Variants in AADACL4 observed in about 807,000 individuals in gnomAD.
AADACL4 encodes arylacetamide deacetylase like 4.
AADACL4 carries 9 observed loss-of-function variants against 14.1 expected under a neutral mutation model. The observed-to-expected ratio is 0.64, with a 90% CI of 0.39 to 1.12. The LOEUF is 1.12. Among genes scored for constraint, AADACL4 ranks in the 50% most tolerant of loss-of-function variants. AADACL4 has a pLI of 0.01. For synonymous variants in AADACL4, 188 were observed against 201.6 expected (o/e 0.93, Z 0.57); for missense variants, 531 against 516.1 (o/e 1.03, Z -0.28).
chr1:12,665,299 G>A (rs867311757), intron 3 of AADACL4, among the ~76,000 whole-genome samples: 9 of 151,886 alleles, frequency 5.9e-5, no homozygotes, highest in African/African-American at 1.2e-4. Flanking sequence ...CTAGGCTCAC[G>A]GCAAGCTCTG....
At chr1:12,654,106 G>A (rs942826241) in intron 2 of AADACL4, among the ~76,000 whole-genome samples, 3 of 152,206 alleles carry the variant, frequency 2.0e-5, no homozygotes, top group African/African-American at 7.2e-5. Flanking sequence ...AGGGTGCAGA[G>A]AGAAACCATC....
chr1:12,659,674 GCT>G (rs1199749169), intron 2 of AADACL4, among the ~76,000 whole-genome samples: 2 of 152,176 alleles, frequency 1.3e-5, no homozygotes, highest in African/African-American at 4.8e-5. Flanking sequence ...ACAGGATCTT[GCT>G]CTGTCACCCA....
At chr1:12,652,731 A>C (rs750442095) in intron 2 of AADACL4, among the ~76,000 whole-genome samples, 1 of 152,190 alleles carries the variant, frequency 6.6e-6, no homozygotes, top group Non-Finnish European at 1.5e-5. Flanking sequence ...CCACCCATTT[A>C]TACACCAAAT....
At chr1:12,662,717 G>C (rs1473509225) in intron 3 of AADACL4, among the ~76,000 whole-genome samples, 1 of 152,158 alleles carries the variant, frequency 6.6e-6, no homozygotes, top group Non-Finnish European at 1.5e-5. Context: ...TCAAACCTTA[G>C]CTGCCCCTAG....
At chr1:12,660,401 C>A (rs887168666) in intron 2 of AADACL4, among the ~76,000 whole-genome samples, 2 of 152,186 alleles carry the variant, frequency 1.3e-5, no homozygotes, top group Non-Finnish European at 2.9e-5. Context: ...GCCTACCTCA[C>A]CCTAGTCCTG....
At chr1:12,658,782 T>G (rs1425866537) in intron 2 of AADACL4, among the ~76,000 whole-genome samples, 1 of 151,424 alleles carries the variant, frequency 6.6e-6, no homozygotes, top group Non-Finnish European at 1.5e-5. Context: ...TGCCCTGCCC[T>G]GCACCCTGGT....
At chr1:12,646,437 A>G (rs1647112127) in intron 1 of AADACL4, among the ~76,000 whole-genome samples, 1 of 152,196 alleles carries the variant, frequency 6.6e-6, no homozygotes, top group Admixed American at 6.5e-5. Flanking sequence ...ACTTTTAGAG[A>G]CACCGACAAG....
At chr1:12,664,389 G>A (rs1009830973) in intron 3 of AADACL4, among the ~76,000 whole-genome samples, 33 of 147,640 alleles carry the variant, frequency 2.2e-4, no homozygotes, top group Middle Eastern at 3.5e-3. Flanking sequence ...TTTTTTTTGA[G>A]ATGGAGTCTC....
chr1:12,661,983 C>A, intron 3 of AADACL4, 129 bp downstream of exon 3: 2 of 1,013,258 alleles, frequency 2.0e-6, no homozygotes, highest in Non-Finnish European at 3.0e-6. Context: ...TCCACAGAGA[C>A]AGGCGCAGCA....
intron 2 of AADACL4, among the ~76,000 whole-genome samples, chr1:12,654,680 G>C (rs1168099770): frequency 6.6e-6 from 1 of 152,168 alleles, no homozygotes; most frequent in Admixed American, 6.5e-5. Context: ...AAGGCCTGAA[G>C]GTTTTTGCAA....
intron 1 of AADACL4, among the ~76,000 whole-genome samples, chr1:12,645,645 C>T (rs1370336004): frequency 2.0e-5 from 3 of 152,038 alleles, no homozygotes; most frequent in Non-Finnish European, 2.9e-5. Flanking sequence ...TGGGCTCAAG[C>T]GATCCTTTCC....
In AADACL4 at chr1:12,661,351, A is replaced by G. The variant is rs192479683; in HGVS notation, c.386-440A>G. Among the ~76,000 whole-genome samples, 805 of 152,320 alleles carry G rather than the reference A, an allele frequency of 5.3e-3. 4 individuals carry two copies. The highest frequency in any genetic ancestry group is 8.7e-3 in the Non-Finnish European group (592 of 68,040). The stretch of plus-strand genomic sequence containing the variant: ...CTGTGCTAGTATGTTCTACGTACTC[A>G]TATTGACGGACCTGCCTCTGAGAAC... On this transcript the variant is annotated intron_variant, in intron 2 of 3. Coordinates refer to ENST00000376221, the MANE Select transcript of AADACL4 (RefSeq NM_001013630.2).
intron 2 of AADACL4, among the ~76,000 whole-genome samples, chr1:12,656,059 A>G (rs1042498731): frequency 1.9e-4 from 29 of 152,218 alleles, no homozygotes; most frequent in Non-Finnish European, 3.8e-4. Flanking sequence ...TTCTAAGCCC[A>G]TCAAGTTTAA....
intron 1 of AADACL4, among the ~76,000 whole-genome samples, chr1:12,646,148 T>A (rs1647109898): frequency 6.6e-6 from 1 of 152,152 alleles, no homozygotes. Flanking sequence ...TCCTACTGAT[T>A]CCAGGGCAGC....
At chr1:12,655,838 T>A (rs570963110) in intron 2 of AADACL4, among the ~76,000 whole-genome samples, 1 of 152,222 alleles carries the variant, frequency 6.6e-6, no homozygotes, top group East Asian at 1.9e-4. Context: ...AATTTTCTCC[T>A]GATGTTGGGC....
chr1:12,647,493 A>G (rs1012332312), intron 1 of AADACL4, among the ~76,000 whole-genome samples: 1 of 152,172 alleles, frequency 6.6e-6, no homozygotes, highest in Admixed American at 6.5e-5. Flanking sequence ...AGTCTCGATA[A>G]AAGTCAATTA....
Position 12,658,096 on chromosome 1 carries a change from TTTCTCTCTTTCTTTCC to T in AADACL4, c.386-3691_386-3676del, listed in dbSNP as rs1647194516. On this transcript the variant is annotated intron_variant, in intron 2 of 3. Coordinates refer to ENST00000376221, the MANE Select transcript of AADACL4 (RefSeq NM_001013630.2). ...TTCTTTCTTTCTTTCTTTCTCTTTC[TTTCTCTCTTTCTTTCC>T]TTCCTTCCTTCCTTCCTTCCTTCCT... 6.1e-4 allele frequency among the ~76,000 whole-genome samples: 82 copies of T among 133,824 alleles called. 1 individual carries two copies. The highest frequency in any genetic ancestry group is 7.6e-3 in the Middle Eastern group (2 of 262). 87.8% of individuals were successfully genotyped at this position (133,824 alleles called of 152,430 possible). A position where few individuals can be genotyped will look rare whatever the true frequency, so the allele number is the denominator to read the frequency against.
chr1:12,658,919 A>G (rs1647205278), intron 2 of AADACL4, among the ~76,000 whole-genome samples: 1 of 152,228 alleles, frequency 6.6e-6, no homozygotes, highest in Admixed American at 6.5e-5. Context: ...GAGTGCAAGA[A>G]GTTTTGTTTG....
intron 2 of AADACL4, among the ~76,000 whole-genome samples, chr1:12,654,807 G>A (rs1260784662): frequency 6.6e-6 from 1 of 152,194 alleles, no homozygotes; most frequent in East Asian, 1.9e-4. Context: ...TTACTCACGT[G>A]GTCCTAAGAC....
Sources: gnomAD v4.1 joint callset for allele counts (sites outside exome capture counted in the v4.1 genomes callset) on GRCh38, gnomAD v4.1.1 for gene constraint, MANE v1.5 for transcripts, NCBI Gene and HGNC (gene_info 2026-07-23, HGNC 2026-07-21) for gene names.